The following ITK variants were observed in gnomAD, a reference collection of about 807,000 sequenced individuals.
The protein encoded by ITK is IL2 inducible T cell kinase, also known as tyrosine-protein kinase ITK/TSK.
Under a neutral mutation model 87.6 loss-of-function variants are expected in ITK, and 45 were observed. The ratio of observed to expected loss-of-function variants is 0.51; its 90% CI spans 0.40 to 0.66. ITK has a LOEUF of 0.66. Ranked by LOEUF, ITK falls within the 30% of genes least tolerant of loss-of-function variation. The probability of loss-of-function intolerance (pLI) is 0.00; values close to 1 mark genes in which losing one functional copy is unlikely to be tolerated. For missense variants in ITK, 605 were observed against 766.3 expected, an observed-to-expected ratio of 0.79 and a Z score of 2.48; for synonymous variants, 303 against 273.6, an observed-to-expected ratio of 1.11 and a Z score of -1.06.
chr5:157,214,383 C>T, intron 4 of ITK, 64 bp downstream of exon 4: 16 of 1,383,644 alleles, frequency 1.2e-5, no homozygotes, highest in Non-Finnish European at 1.0e-5. Flanking sequence ...AAGCTTTTGG[C>T]CTTTAATCAT....
chr5:157,249,066 T>C, intron 16 of ITK, 59 bp downstream of exon 16: 1 of 1,463,706 alleles, frequency 6.8e-7, no homozygotes, highest in Non-Finnish European at 9.6e-7. Context: ...ACCTCCCTCC[T>C]TCCCTAGAGA....
At chr5:157,246,028 C>T (rs1420545053) in intron 15 of ITK, 29 bp downstream of exon 15, 1 of 1,462,100 alleles carries the variant, frequency 6.8e-7, no homozygotes, top group Non-Finnish European at 9.6e-7. Context: ...CCCACTGCCC[C>T]ATGATCTGGG....
chr5:157,192,226 T>G (rs1036567701), intron 1 of ITK, among the ~76,000 whole-genome samples: 3 of 152,278 alleles, frequency 2.0e-5, no homozygotes, highest in African/African-American at 7.2e-5. Context: ...TAGTTGGATT[T>G]AAGGGGTGCC....
At chr5:157,240,367 A>G in intron 10 of ITK, 172 bp downstream of exon 10, 1 of 672,658 alleles carries the variant, frequency 1.5e-6, no homozygotes. Flanking sequence ...TGTGCTCCTT[A>G]TAAGAATCAA....
intron 9 of ITK, 34 bp from the exon 10 acceptor site, chr5:157,240,028 A>AAT: frequency 6.2e-7 from 1 of 1,603,760 alleles, no homozygotes; most frequent in Non-Finnish European, 8.5e-7. Flanking sequence ...ATTGCTTCTT[A>AAT]ATAATCATTA....
chr5:157,207,377 C>CTTTTTTTTTTTTT (rs536290068), intron 1 of ITK, among the ~76,000 whole-genome samples: 7 of 59,140 alleles, frequency 1.2e-4, no homozygotes, highest in African/African-American at 1.3e-4. Context: ...AGATACGTCT[C>CTTTTTTTTTTTTT]TTTTTTTTTT....
chr5:157,211,573 T>A, intron 3 of ITK: 1 of 600,480 alleles, frequency 1.7e-6, no homozygotes. Flanking sequence ...GCCTGCTGTC[T>A]GTTCTTGTCA....
At chr5:157,186,538 T>C (rs1753646617) in intron 1 of ITK, among the ~76,000 whole-genome samples, 1 of 152,094 alleles carries the variant, frequency 6.6e-6, no homozygotes, top group African/African-American at 2.4e-5. Flanking sequence ...TAGCCAGGCA[T>C]GGTGGCAGAT....
chr5:157,232,314 G>A, intron 7 of ITK, 26 bp from the exon 8 acceptor site: 1 of 1,531,252 alleles, frequency 6.5e-7, no homozygotes, highest in African/African-American at 1.4e-5. Context: ...ATATGTCATT[G>A]ACATATGACT....
At chr5:157,231,694 G>A (rs1367304540) in intron 7 of ITK, among the ~76,000 whole-genome samples, 1 of 151,720 alleles carries the variant, frequency 6.6e-6, no homozygotes, top group African/African-American at 2.4e-5. Context: ...GCTAAATATT[G>A]TTAACAACAT....
intron 7 of ITK, 120 bp from the exon 8 acceptor site, chr5:157,232,220 T>C: frequency 1.4e-6 from 1 of 725,518 alleles, no homozygotes. Flanking sequence ...ACACTTAAAA[T>C]TTTTTTAAAG....
chr5:157,248,984 A>G lies in ITK; in HGVS notation c.1768A>G (p.Ile590Val). The stretch of plus-strand genomic sequence containing the variant: ...GCTGGCCTCCACACACGTCTACCAG[A>G]TTATGAATCACTGCTGGAAAGAGGT... ...PRLASTHVYQIMNHCWKERPE... is the reference protein window; with the variant it reads ...PRLASTHVYQVMNHCWKERPE... The change falls in exon 16 of 17, where the codon ATT (isoleucine) becomes GTT (valine). Residue 590 changes from isoleucine to valine, a missense_variant. Ile to Val is a conservative substitution (Grantham distance 29). Around this residue, in one of 3 missense-constraint regions of ITK, gnomAD observed 71 missense variants for 65.8 expected, o/e 1.08. Transcript: ENST00000422843. 6.2e-7 allele frequency: 1 copy of G among 1,613,964 alleles called. No individual in the cohort carries two copies. The highest frequency in any genetic ancestry group is 8.5e-7 in the Non-Finnish European group (1 of 1,179,844).
At chr5:157,203,374 A>G (rs2113748375) in intron 1 of ITK, among the ~76,000 whole-genome samples, 3 of 152,318 alleles carry the variant, frequency 2.0e-5, no homozygotes. Flanking sequence ...GTTTTGAGCT[A>G]ATTAAGCTCC....
chr5:157,250,561 G>A (rs1755121354), intron 16 of ITK, among the ~76,000 whole-genome samples: 1 of 151,366 alleles, frequency 6.6e-6, no homozygotes, highest in Admixed American at 6.6e-5. Context: ...CTGTTACCCA[G>A]GCTGGAGTGC....
chr5:157,253,659 A>T lies in ITK; in HGVS notation c.*981A>T, dbSNP rs573537525. ...TATCCGATCCTCATCAACAGAGGGCAGCATTGTGTTGGTCAATGTTCCCTT... is the reference window on the plus strand; with the variant it reads ...TATCCGATCCTCATCAACAGAGGGCTGCATTGTGTTGGTCAATGTTCCCTT... On this transcript the variant is annotated 3_prime_UTR_variant, in exon 17 of 17. Coordinates refer to ENST00000422843, the MANE Select transcript of ITK (RefSeq NM_005546.4). 4.4e-6 allele frequency: 1 copy of T among 226,656 alleles called. No individual in the cohort carries two copies. Among genetic ancestry groups the T allele is most frequent in the African/African-American group, 2.2e-5 (1 of 45,110 alleles). 14.0% of individuals were successfully genotyped at this position (226,656 alleles called of 1,614,324 possible). A position where few individuals can be genotyped will look rare whatever the true frequency, so the allele number is the denominator to read the frequency against.
chr5:157,229,946 A>G (rs1048457068), intron 7 of ITK, among the ~76,000 whole-genome samples: 1 of 152,180 alleles, frequency 6.6e-6, no homozygotes, highest in Non-Finnish European at 1.5e-5. Flanking sequence ...TTAAAGACAC[A>G]TGGTAACTAA....
intron 11 of ITK, 140 bp from the exon 12 acceptor site, chr5:157,243,483 A>G: frequency 3.9e-6 from 3 of 763,370 alleles, no homozygotes; most frequent in Admixed American, 3.9e-5. Context: ...ATTATGTGGG[A>G]AAAAGATAAT....
Position 157,253,011 on chromosome 5 carries a change from A to C in ITK, c.*333A>C. 2.3e-6 allele frequency: 1 copy of C among 425,568 alleles called. No individual in the cohort carries two copies. The highest frequency in any genetic ancestry group is 4.4e-6 in the Non-Finnish European group (1 of 226,784). The allele number at this position is 425,568 out of a possible 1,614,324, so 26.4% of individuals were successfully genotyped here. A position where few individuals can be genotyped will look rare whatever the true frequency, so the allele number is the denominator to read the frequency against. On this transcript the variant is annotated 3_prime_UTR_variant, in exon 17 of 17. Transcript: ENST00000422843. Reference sequence around the variant, plus strand: ...GCACTTCTTAGCAACAGAGAGAGACATGAGTAAGACCCAGATTGCTATTTT... The same window carrying C: ...GCACTTCTTAGCAACAGAGAGAGACCTGAGTAAGACCCAGATTGCTATTTT...
intron 8 of ITK, among the ~76,000 whole-genome samples, chr5:157,234,644 A>G (rs1580901817): frequency 6.6e-6 from 1 of 152,236 alleles, no homozygotes; most frequent in Admixed American, 6.5e-5. Flanking sequence ...AAGCTGGAAA[A>G]CATCATTCTC....
Sources: allele counts gnomAD v4.1 joint callset (sites outside exome capture counted in the v4.1 genomes callset), GRCh38; gene constraint gnomAD v4.1.1; regional missense constraint gnomAD v4.1.1; transcripts MANE v1.5; gene names NCBI Gene and HGNC (gene_info 2026-07-23, HGNC 2026-07-21).